Variants in NGEF observed in about 807,000 individuals in gnomAD.
NGEF encodes ephexin-1.
NGEF carries 31 observed loss-of-function variants against 80.9 expected under a neutral mutation model. That is an observed-to-expected ratio of 0.38 (90% CI 0.29 to 0.52). The LOEUF is 0.52. NGEF is among the 20% of genes least tolerant of loss of function. The probability of loss-of-function intolerance (pLI) is 0.84; values close to 1 mark genes in which losing one functional copy is unlikely to be tolerated. For missense variants in NGEF, 709 were observed against 926.2 expected (o/e 0.77, Z 3.04); for synonymous variants, 371 against 370.2 (o/e 1.00, Z -0.03).
At chr2:232,982,107 C>T (rs1456888006) in intron 1 of NGEF, among the ~76,000 whole-genome samples, 2 of 152,132 alleles carry the variant, frequency 1.3e-5, no homozygotes, top group African/African-American at 2.4e-5. Context: ...GGAGCTGGGA[C>T]CTTGGATTTC....
chr2:232,935,528 G>T (rs985756978), intron 3 of NGEF, among the ~76,000 whole-genome samples: 4 of 152,186 alleles, frequency 2.6e-5, no homozygotes, highest in African/African-American at 9.7e-5. Flanking sequence ...TGAGGCAGGA[G>T]AATTGCTTGA....
chr2:232,971,764 C>A (rs1176380033), intron 2 of NGEF, among the ~76,000 whole-genome samples: 1 of 152,186 alleles, frequency 6.6e-6, no homozygotes, highest in African/African-American at 2.4e-5. Flanking sequence ...GGGGATGGCA[C>A]TGTTCTGTCT....
At chr2:232,981,743 G>A (rs866303680) in intron 1 of NGEF, among the ~76,000 whole-genome samples, 2 of 152,186 alleles carry the variant, frequency 1.3e-5, no homozygotes, top group Non-Finnish European at 2.9e-5. Flanking sequence ...TGGGGAGACT[G>A]ATTTGAGTAA....
chr2:232,931,094 T>C (rs1248537386), intron 3 of NGEF, among the ~76,000 whole-genome samples: 1 of 150,902 alleles, frequency 6.6e-6, no homozygotes, highest in Non-Finnish European at 1.5e-5. Context: ...AAGGGAAAAA[T>C]AGAAAAAGAG....
chr2:232,994,416 T>C (rs1353563005), intron 1 of NGEF, among the ~76,000 whole-genome samples: 1 of 150,864 alleles, frequency 6.6e-6, no homozygotes, highest in Admixed American at 6.6e-5. Context: ...GGGATATCAA[T>C]AGAAGTTTTG....
chr2:232,901,345 T>C, intron 5 of NGEF: 1 of 984,992 alleles, frequency 1.0e-6, no homozygotes, highest in Non-Finnish European at 1.2e-6. Flanking sequence ...GCGCGATTTC[T>C]CCTCCCCGCT....
intron 5 of NGEF, chr2:232,905,795 C>G (rs868358308): frequency 1.4e-5 from 5 of 355,730 alleles, no homozygotes; most frequent in South Asian, 9.5e-5. Flanking sequence ...CTGGCAGCCG[C>G]CCCGTCTGAG....
chr2:232,903,601 G>A (rs949510542), intron 5 of NGEF, among the ~76,000 whole-genome samples: 40 of 152,232 alleles, frequency 2.6e-4, no homozygotes, highest in African/African-American at 8.9e-4. Flanking sequence ...TTAAAAAAAT[G>A]CTACCTGCCT....
chr2:232,996,797 G>T (rs148607256), intron 1 of NGEF, among the ~76,000 whole-genome samples: 104 of 151,564 alleles, frequency 6.9e-4, no homozygotes, highest in Non-Finnish European at 1.4e-3. Flanking sequence ...GCCTGGCATC[G>T]TTTACCCTTT....
chr2:232,953,429 C>T (rs1334196598), intron 3 of NGEF, among the ~76,000 whole-genome samples: 1 of 147,936 alleles, frequency 6.8e-6, no homozygotes, highest in African/African-American at 2.5e-5. Flanking sequence ...ATAAATGAGA[C>T]AGCTACTCCT....
chr2:232,928,398 C>T (rs760169996), intron 3 of NGEF, among the ~76,000 whole-genome samples: 7 of 152,064 alleles, frequency 4.6e-5, no homozygotes, highest in Non-Finnish European at 7.4e-5. Context: ...GGAGCTGCGC[C>T]TTTGCCTGCC....
intron 5 of NGEF, among the ~76,000 whole-genome samples, chr2:232,897,697 C>A (rs1229792902): frequency 2.0e-5 from 3 of 152,226 alleles, no homozygotes; most frequent in Non-Finnish European, 4.4e-5. Context: ...CAGGGCCCAC[C>A]CGGCCCCCAG....
At chr2:232,987,844 C>T (rs1424279616) in intron 1 of NGEF, among the ~76,000 whole-genome samples, 2 of 152,080 alleles carry the variant, frequency 1.3e-5, no homozygotes, top group East Asian at 1.9e-4. Context: ...TGGAGCAGCC[C>T]TTTACAAGAA....
chr2:232,888,079 G>A lies in NGEF; in HGVS notation c.1301C>T (p.Ser434Phe), dbSNP rs766957139. The A allele has an allele frequency of 9.9e-6, 16 of 1,612,240 alleles. No individual in the cohort carries two copies. In the African/African-American group the frequency reaches 2.0e-4, roughly 20 times the overall value. The change falls in exon 9 of 15, where the codon TCT becomes TTT. Residue 434 changes from serine to phenylalanine, a missense_variant. Around this residue, in one of 2 missense-constraint regions of NGEF, gnomAD observed 426 missense variants for 622.9 expected, o/e 0.68. Transcript: ENST00000264051. The part of the protein sequence containing the change: ...QNILKRVEER[S>F]ERECTALDAH... ...ATCCAAAGCAGTGCACTCCCGCTCA[G>A]ACCTCTCTTCTACCCTCTTCAGGAT...
At chr2:232,899,662 T>TTACA in intron 5 of NGEF, among the ~76,000 whole-genome samples, 1 of 119,150 alleles carries the variant, frequency 8.4e-6, no homozygotes, top group African/African-American at 3.6e-5. Context: ...TCACATTCAC[T>TTACA]CACACATGCT....
intron 14 of NGEF, among the ~76,000 whole-genome samples, chr2:232,880,391 G>A (rs1021605416): frequency 2.0e-5 from 3 of 152,360 alleles, no homozygotes; most frequent in African/African-American, 7.2e-5. Flanking sequence ...TTTGGGAGGG[G>A]AGCAGGCTAG....
chr2:232,927,303 C>T (rs1693094230), intron 3 of NGEF, 117 bp from the exon 4 acceptor site: 1 of 1,124,818 alleles, frequency 8.9e-7, no homozygotes, highest in Non-Finnish European at 1.2e-6. Flanking sequence ...TACCCGGGAC[C>T]GTCCAGGGGC....
At chr2:232,891,620 G>GTT in intron 7 of NGEF, 133 bp from the exon 8 acceptor site, 15 of 1,050,340 alleles carry the variant, frequency 1.4e-5, no homozygotes, top group Non-Finnish European at 2.0e-5. Context: ...TTCTTTCTTT[G>GTT]TTTTTTTTCA....
rs769424463 is a variant in NGEF, at chr2:232,894,747, C to A, written c.989+9G>T. 7.7e-6 allele frequency: 12 copies of A among 1,562,766 alleles called. No individual in the cohort carries two copies. The highest frequency in any genetic ancestry group is 1.7e-5 in the Admixed American group (1 of 59,110). ...CCCTGAGGGAGGTGGCTGTCCCCCC[C>A]GTCCTCACCGCTCACTGACAGCCAG... On this transcript the variant is annotated intron_variant, in intron 6 of 14. Coordinates refer to ENST00000264051, the MANE Select transcript of NGEF (RefSeq NM_019850.3).
Sources: allele counts gnomAD v4.1 joint callset (sites outside exome capture counted in the v4.1 genomes callset), GRCh38; gene constraint gnomAD v4.1.1; regional missense constraint gnomAD v4.1.1; transcripts MANE v1.5; gene names NCBI Gene and HGNC (gene_info 2026-07-23, HGNC 2026-07-21).